Variants in ARNT observed in about 807,000 individuals in gnomAD.
The protein encoded by ARNT is class E basic helix-loop-helix protein 2.
In ARNT, 30 loss-of-function variants were observed where a neutral mutation model predicts 105.0. The observed-to-expected ratio is 0.29, with a 90% CI of 0.21 to 0.39. The LOEUF (loss-of-function observed/expected upper bound fraction) is 0.39. Among genes scored for constraint, ARNT ranks in the 10% least tolerant of loss-of-function variants. The pLI is 1.00. For missense variants in ARNT, 748 were observed against 978.7 expected (o/e 0.76, Z 3.15); for synonymous variants, 304 against 344.0 (o/e 0.88, Z 1.29).
intron 1 of ARNT, among the ~76,000 whole-genome samples, chr1:150,875,217 C>G (rs1013592220): frequency 1.3e-5 from 2 of 152,110 alleles, no homozygotes; most frequent in South Asian, 4.1e-4. Flanking sequence ...TCAGCACTTC[C>G]TGCAATGTAA....
At chr1:150,868,186 G>A (rs765218514) in intron 1 of ARNT, among the ~76,000 whole-genome samples, 2 of 151,892 alleles carry the variant, frequency 1.3e-5, no homozygotes, top group Non-Finnish European at 2.9e-5. Context: ...CGGGCACTGT[G>A]GTGTACACTT....
chr1:150,855,071 C>G (rs1006280858), intron 2 of ARNT, among the ~76,000 whole-genome samples: 2 of 152,026 alleles, frequency 1.3e-5, no homozygotes, highest in African/African-American at 4.8e-5. Flanking sequence ...GCTGGCACTA[C>G]AGGTATGAGC....
At chr1:150,840,396 C>T (rs1257143621) in intron 5 of ARNT, among the ~76,000 whole-genome samples, 1 of 152,156 alleles carries the variant, frequency 6.6e-6, no homozygotes, top group South Asian at 2.1e-4. Flanking sequence ...AATAAAAGGA[C>T]CAATTTTTGC....
chr1:150,826,085 T>C (rs1172512289), intron 13 of ARNT, among the ~76,000 whole-genome samples: 2 of 152,066 alleles, frequency 1.3e-5, no homozygotes, highest in Non-Finnish European at 1.5e-5. Context: ...GGCTAATTTT[T>C]TGTATTTTTA....
At chr1:150,830,127 G>C in intron 10 of ARNT, 147 bp from the exon 11 acceptor site, 1 of 797,116 alleles carries the variant, frequency 1.3e-6, no homozygotes, top group East Asian at 2.7e-5. Flanking sequence ...GGGAAGCCAA[G>C]GTGGGCGGAT....
chr1:150,845,408 C>A (rs1223242945), intron 4 of ARNT, among the ~76,000 whole-genome samples: 2 of 150,466 alleles, frequency 1.3e-5, no homozygotes, highest in Non-Finnish European at 3.0e-5. Flanking sequence ...CGAGACAAGC[C>A]TGGCCAACAT....
Position 150,839,426 on chromosome 1 carries a change from A to AT in ARNT, c.486+14dup. ...CCAGATTCCAGACTCTCTCAGAACT[A>AT]TAAGTCCCAGAGACCTGATCAGTGA... On this transcript the variant is annotated intron_variant, in intron 6 of 21. Coordinates refer to ENST00000358595, the MANE Select transcript of ARNT (RefSeq NM_001668.4). 1 of 1,613,924 alleles carries AT rather than the reference A, an allele frequency of 6.2e-7. No individual in the cohort carries two copies. Among genetic ancestry groups the AT allele is most frequent in the South Asian group, 1.1e-5 (1 of 91,076 alleles).
rs367835231 is a variant in ARNT at position 150,826,499 on chromosome 1, A to G, written c.1242+44T>C. 1.7e-5 allele frequency: 26 copies of G among 1,490,530 alleles called. No individual in the cohort carries two copies. In the African/African-American group the frequency reaches 3.6e-4, roughly 21 times the overall value. 92.3% of individuals were successfully genotyped at this position (1,490,530 alleles called of 1,614,324 possible). On this transcript the variant is annotated intron_variant, in intron 13 of 21. Coordinates refer to ENST00000358595, the MANE Select transcript of ARNT (RefSeq NM_001668.4). ...TCAGTAGTCAATATTTATGGAGTGA[A>G]TATGACAAATATTTATTCAGAACCA...
At chr1:150,823,074 G>A (rs1181143395) in intron 14 of ARNT, 120 bp downstream of exon 14, 17 of 1,027,328 alleles carry the variant, frequency 1.7e-5, no homozygotes, top group South Asian at 1.1e-4. Flanking sequence ...ATGCCACCAC[G>A]CCCGGCTAAA....
intron 6 of ARNT, 30 bp from the exon 7 acceptor site, chr1:150,836,523 ATTTTACTCTG>A: frequency 6.3e-7 from 1 of 1,596,988 alleles, no homozygotes; most frequent in Admixed American, 1.7e-5. Flanking sequence ...AGAAGTTAAT[ATTTTACTCTG>A]AAAAAACAAG....
At chr1:150,821,828 C>CTTT (rs367766946) in intron 14 of ARNT, among the ~76,000 whole-genome samples, 11 of 114,906 alleles carry the variant, frequency 9.6e-5, no homozygotes, top group South Asian at 2.6e-4. Flanking sequence ...TTTGTATTTT[C>CTTT]TTTTTTTTTT....
chr1:150,862,156 C>A lies in ARNT; in HGVS notation c.26-3696G>T, dbSNP rs587674375. On this transcript the variant is annotated intron_variant, in intron 1 of 21. Coordinates refer to ENST00000358595, the MANE Select transcript of ARNT (RefSeq NM_001668.4). ...TTCTTTTTAACAGTTACATAGTACT[C>A]TGTACTATAAATGTATAGTTATGAC... 3.9e-5 allele frequency among the ~76,000 whole-genome samples: 6 copies of A among 152,076 alleles called. No homozygotes were observed. The South Asian group carries it at 1.0e-3, about 26-fold the overall frequency.
At chr1:150,867,792 T>C (rs1666848117) in intron 1 of ARNT, among the ~76,000 whole-genome samples, 1 of 151,770 alleles carries the variant, frequency 6.6e-6, no homozygotes, top group African/African-American at 2.4e-5. Flanking sequence ...CATGATAGAG[T>C]TCTCAAGAGA....
intron 3 of ARNT, among the ~76,000 whole-genome samples, chr1:150,851,393 C>T (rs1329050767): frequency 7.9e-5 from 12 of 152,078 alleles, no homozygotes; most frequent in East Asian, 5.8e-4. Flanking sequence ...GCCATGATGA[C>T]GATGGCGGTT....
At chr1:150,839,778 A>G in intron 5 of ARNT, 124 bp from the exon 6 acceptor site, 1 of 1,004,804 alleles carries the variant, frequency 1.0e-6, no homozygotes, top group East Asian at 2.6e-5. Flanking sequence ...GTGATGCTTA[A>G]GTCTCAGCAG....
intron 2 of ARNT, among the ~76,000 whole-genome samples, chr1:150,854,545 T>A (rs923163795): frequency 6.6e-6 from 1 of 151,198 alleles, no homozygotes; most frequent in Non-Finnish European, 1.5e-5. Flanking sequence ...CTCAGTGACA[T>A]GGCAAGACCC....
chr1:150,875,832 G>A (rs1668152664), intron 1 of ARNT, among the ~76,000 whole-genome samples: 1 of 152,156 alleles, frequency 6.6e-6, no homozygotes, highest in Admixed American at 6.6e-5. Context: ...TTGCCTCGAC[G>A]TAGGCCTAAC....
intron 10 of ARNT, chr1:150,831,516 C>T: frequency 3.8e-6 from 1 of 265,228 alleles, no homozygotes; most frequent in Non-Finnish European, 7.0e-6. Flanking sequence ...CATTCAATGT[C>T]TAAGTTTCTT....
intron 1 of ARNT, among the ~76,000 whole-genome samples, chr1:150,874,335 G>T (rs890166869): frequency 6.6e-6 from 1 of 152,184 alleles, no homozygotes; most frequent in East Asian, 1.9e-4. Context: ...TATATCTTCT[G>T]ATTTGATTGA....
Sources: gnomAD v4.1 joint callset for allele counts (sites outside exome capture counted in the v4.1 genomes callset) on GRCh38, gnomAD v4.1.1 for gene constraint, MANE v1.5 for transcripts, NCBI Gene and HGNC (gene_info 2026-07-23, HGNC 2026-07-21) for gene names.